The following OCRL variants were observed in gnomAD, a reference collection of about 807,000 sequenced individuals.
The protein encoded by OCRL is inositol polyphosphate 5-phosphatase OCRL.
In OCRL, 8 loss-of-function variants were observed where a neutral mutation model predicts 78.9. The observed-to-expected ratio is 0.10, with a 90% CI of 0.06 to 0.18. The LOEUF is 0.18. Among genes scored for constraint, OCRL ranks in the 10% least tolerant of loss-of-function variants. The pLI, the probability that OCRL is intolerant of heterozygous loss-of-function variation, is 1.00. For missense variants in OCRL, 454 were observed against 696.7 expected, an observed-to-expected ratio of 0.65 and a Z score of 3.92; for synonymous variants, 240 against 235.4, an observed-to-expected ratio of 1.02 and a Z score of -0.18.
chrX:129,540,967 A>G, intron 2 of OCRL, 144 bp downstream of exon 2: 1 of 522,700 alleles, frequency 1.9e-6, no homozygotes, highest in Non-Finnish European at 3.5e-6. Flanking sequence ...AGTGCTCTCT[A>G]ACCTCGGGGC....
At position 129,588,248 on chromosome X, in the gene OCRL, A is replaced by G. The variant is rs1485252385; in HGVS notation, c.2326A>G (p.Ile776Val). 1 of 1,202,693 alleles carries G rather than the reference A, an allele frequency of 8.3e-7. No homozygotes were observed. The highest frequency in any genetic ancestry group is 1.8e-5 in the South Asian group (1 of 56,793). The change falls in exon 21 of 24, where the codon ATT becomes GTT. Residue 776 changes from isoleucine (I) to valine (V), a missense_variant. Coordinates refer to ENST00000371113, the MANE Select transcript of OCRL (RefSeq NM_000276.4). Reference protein sequence around the residue: ...QQIIDCLDTSIPETIPGSNHS... With the variant: ...QQIIDCLDTSVPETIPGSNHS... ...GATCATTGATTGTCTGGATACCAGC[A>G]TTCCTGAGACAATCCGTATCCTTTG...
rs1268661789 is a variant in OCRL at position 129,540,296 on chromosome X, TCCCGGCTCCCGGCG to T, written c.-137_-124del. The T allele has an allele frequency of 1.4e-5, 9 of 644,547 alleles. No individual in the cohort carries two copies. In the South Asian group the frequency reaches 1.5e-4, roughly 10 times the overall value. The allele number at this position is 644,547 out of a possible 1,213,427, so 53.1% of individuals were successfully genotyped here. A position where few individuals can be genotyped will look rare whatever the true frequency, so the allele number is the denominator to read the frequency against. ...AGATTCTCAGCTCCCAGCTCCCCGC[TCCCGGCTCCCGGCG>T]CCCGGCGCCCGGCGCGGAGCTGTTC... On this transcript the variant is annotated 5_prime_UTR_variant, in exon 1 of 24. Coordinates refer to ENST00000371113, the MANE Select transcript of OCRL (RefSeq NM_000276.4).
intron 12 of OCRL, 43 bp from the exon 13 acceptor site, chrX:129,565,729 A>C (rs1420523956): frequency 1.0e-6 from 1 of 1,003,602 alleles, no homozygotes; most frequent in South Asian, 1.9e-5. Context: ...TGTTTTTTTT[A>C]TGCTAATCGC....
rs771557183 is a variant in OCRL at position 129,565,814 on chromosome X, G to C, written c.1287G>C (p.Met429Ile). 8.3e-7 allele frequency: 1 copy of C among 1,209,597 alleles called. No homozygotes were observed. The highest frequency in any genetic ancestry group is 1.8e-5 in the South Asian group (1 of 56,934). Reference sequence around the variant, plus strand: ...GAGATTTGAATTATAGACTTTGCATGCCTGATGCCAATGAGGTGAAAAGTC... The same window carrying C: ...GAGATTTGAATTATAGACTTTGCATCCCTGATGCCAATGAGGTGAAAAGTC... ...WLGDLNYRLC[M>I]PDANEVKSLI... The change falls in exon 13 of 24, where the codon ATG becomes ATC. Residue 429 changes from methionine to isoleucine, a missense_variant. Met to Ile is a conservative substitution (Grantham distance 10, BLOSUM62 1). Transcript: ENST00000371113.
rs1936157525 is a variant in OCRL at position 129,562,378 on chromosome X, T to C, written c.940-6T>C. ...TTAACCTTTTGTAACTCCCCGGAAC[T>C]CATAGGTTCAACTGGTGCGCCTTGT... is the stretch of plus-strand genomic sequence containing the variant. On this transcript the variant is annotated splice_region_variant and splice_polypyrimidine_tract_variant and intron_variant, in intron 10 of 23. Transcript: ENST00000371113. 2 of 1,189,201 alleles carry C rather than the reference T, an allele frequency of 1.7e-6. No individual in the cohort carries two copies. The highest frequency in any genetic ancestry group is 5.9e-5 in the East Asian group (2 of 33,791).
chrX:129,572,231 T>C (rs1936311122), intron 15 of OCRL, among the ~76,000 whole-genome samples: 1 of 112,121 alleles, frequency 8.9e-6, no homozygotes, highest in Non-Finnish European at 1.9e-5. Context: ...AACGGTCTTA[T>C]ATGTATGTGT....
intron 15 of OCRL, among the ~76,000 whole-genome samples, chrX:129,570,333 A>G (rs1397754920): frequency 8.9e-6 from 1 of 111,952 alleles, no homozygotes; most frequent in African/African-American, 3.2e-5. Flanking sequence ...TGGACAATTT[A>G]TGTAACATAT....
At position 129,590,686 on chromosome X, in the gene OCRL, A is replaced by G. The variant is rs1936575057; in HGVS notation, c.*416A>G. On this transcript the variant is annotated 3_prime_UTR_variant, in exon 24 of 24. Transcript: ENST00000371113. ...ACTTGTCTAGAGTCCTTTGTTTTGC[A>G]CTTTTGACCCACCCCTTCCTGGATC... 5.1e-6 allele frequency: 1 copy of G among 195,351 alleles called. No individual in the cohort carries two copies. Among genetic ancestry groups the G allele is most frequent in the Non-Finnish European group, 9.5e-6 (1 of 105,610 alleles). The allele number at this position is 195,351 out of a possible 1,213,427, so 16.1% of individuals were successfully genotyped here. A position where few individuals can be genotyped will look rare whatever the true frequency, so the allele number is the denominator to read the frequency against.
chrX:129,563,393 A>G (rs763533630), intron 12 of OCRL, among the ~76,000 whole-genome samples: 1 of 112,384 alleles, frequency 8.9e-6, no homozygotes, highest in Admixed American at 9.4e-5. Context: ...GTAAAATGAA[A>G]TTTATTGATA....
chrX:129,540,695 A>G (rs1453999362), intron 1 of OCRL, 49 bp from the exon 2 acceptor site: 11 of 1,044,201 alleles, frequency 1.1e-5, no homozygotes, highest in Non-Finnish European at 1.5e-5. Context: ...GCAGTGCACC[A>G]CTCCTCCCCA....
At position 129,555,000 on chromosome X, in the gene OCRL, T is replaced by TAAAA. The variant is rs78547580; in HGVS notation, c.239-2323_239-2320dup. ...ATAAATAAATAAATAAATAAATAAA[T>TAAAA]AAAAATAAGAGGGTTGTAGGAGAAG... On this transcript the variant is annotated intron_variant, in intron 4 of 23. Transcript: ENST00000371113. 8.6e-3 allele frequency among the ~76,000 whole-genome samples: 826 copies of TAAAA among 95,556 alleles called. 6 individuals are homozygous for TAAAA. Among genetic ancestry groups the TAAAA allele is most frequent in the South Asian group, 0.034 (71 of 2,064 alleles). 83.0% of individuals were successfully genotyped at this position (95,556 alleles called of 115,157 possible).
chrX:129,547,481 T>C (rs376119563), intron 3 of OCRL, among the ~76,000 whole-genome samples: 1,782 of 94,404 alleles, frequency 0.019, 16 homozygotes, highest in Non-Finnish European at 0.025. Flanking sequence ...GCCGAGATCG[T>C]GCCACTGCAC....
Position 129,591,527 on chromosome X carries a change from A to G in OCRL, c.*1257A>G, listed in dbSNP as rs933971512. On this transcript the variant is annotated 3_prime_UTR_variant, in exon 24 of 24. Coordinates refer to ENST00000371113, the MANE Select transcript of OCRL (RefSeq NM_000276.4). ...ATAAATTAATCTATATTGGTTGACA[A>G]ACAAGCCACCAACCACTGACTGCAA... 12 of 112,168 alleles carry G rather than the reference A, an allele frequency of 1.1e-4. No homozygotes were observed. The highest frequency in any genetic ancestry group is 3.6e-4 in the African/African-American group (11 of 30,750). 9.2% of individuals were successfully genotyped at this position (112,168 alleles called of 1,213,427 possible).
intron 12 of OCRL, among the ~76,000 whole-genome samples, chrX:129,564,517 T>C (rs751686985): frequency 9.0e-6 from 1 of 110,876 alleles, no homozygotes; most frequent in Non-Finnish European, 1.9e-5. Flanking sequence ...GTGGCACATA[T>C]ACACCATGGA....
At chrX:129,556,073 A>AT (rs1199614452) in intron 4 of OCRL, among the ~76,000 whole-genome samples, 2 of 111,155 alleles carry the variant, frequency 1.8e-5, no homozygotes, top group Non-Finnish European at 3.8e-5. Context: ...CTTCTAATTA[A>AT]TTATTTTATT....
intron 2 of OCRL, among the ~76,000 whole-genome samples, chrX:129,541,257 G>C (rs942243845): frequency 1.8e-5 from 2 of 112,283 alleles, no homozygotes; most frequent in African/African-American, 6.5e-5. Flanking sequence ...CTATGGAAAT[G>C]CTTCATTGTT....
At position 129,576,309 on chromosome X, in the gene OCRL, C is replaced by T. The variant is rs750041502; in HGVS notation, c.1880-8C>T. On this transcript the variant is annotated splice_polypyrimidine_tract_variant and splice_region_variant and intron_variant, in intron 17 of 23. Coordinates refer to ENST00000371113, the MANE Select transcript of OCRL (RefSeq NM_000276.4). ...TCCTATTACCATGTATCATCTCTTA[C>T]ATTTCAGATGAGACAGTGGACATTT... is the stretch of plus-strand genomic sequence containing the variant. 5.9e-6 allele frequency: 7 copies of T among 1,184,714 alleles called. No homozygotes were observed.
rs1364687239 is a variant in OCRL at position 129,590,364 on chromosome X, A to G, written c.*94A>G. 2.8e-6 allele frequency: 3 copies of G among 1,070,607 alleles called. No homozygotes were observed. Among genetic ancestry groups the G allele is most frequent in the Non-Finnish European group, 3.9e-6 (3 of 775,905 alleles). 88.2% of individuals were successfully genotyped at this position (1,070,607 alleles called of 1,213,427 possible). ...AAAAGTCATGCCACAGGAAGGGTCT[A>G]TTGCAGAATTTCAAGTTCTGTTTAT... On this transcript the variant is annotated 3_prime_UTR_variant, in exon 24 of 24. Transcript: ENST00000371113.
At chrX:129,557,705 C>G (rs1936078282) in intron 5 of OCRL, among the ~76,000 whole-genome samples, 156 bp from the exon 6 acceptor site, 1 of 111,617 alleles carries the variant, frequency 9.0e-6, no homozygotes, top group African/African-American at 3.3e-5. Flanking sequence ...CTAGATGACC[C>G]CAGAGCTGCC....
Sources: allele counts gnomAD v4.1 joint callset (sites outside exome capture counted in the v4.1 genomes callset), GRCh38; gene constraint gnomAD v4.1.1; transcripts MANE v1.5; gene names NCBI Gene and HGNC (gene_info 2026-07-23, HGNC 2026-07-21).